KAT2B: variants seen among roughly 807,000 people sequenced by gnomAD.
KAT2B encodes lysine acetyltransferase 2B, also known as histone acetyltransferase KAT2B.
Under a neutral mutation model 105.9 loss-of-function variants are expected in KAT2B, and 36 were observed. The observed-to-expected ratio is 0.34, with a 90% CI of 0.26 to 0.45. The LOEUF (loss-of-function observed/expected upper bound fraction) is 0.45. KAT2B is among the 20% of genes least tolerant of loss of function. The pLI, the probability that KAT2B is intolerant of heterozygous loss-of-function variation, is 1.00. For synonymous variants in KAT2B, 397 were observed against 377.9 expected (o/e 1.05, Z -0.59); for missense variants, 820 against 1,021.6 (o/e 0.80, Z 2.69).
chr3:20,053,578 G>A (rs192635397), intron 1 of KAT2B, among the ~76,000 whole-genome samples: 31 of 152,158 alleles, frequency 2.0e-4, no homozygotes, highest in Admixed American at 1.6e-3. Context: ...GTATATGAGT[G>A]TTATGAGATC....
At chr3:20,149,539 T>G (rs1027963414) in intron 17 of KAT2B, among the ~76,000 whole-genome samples, 2 of 108,652 alleles carry the variant, frequency 1.8e-5, no homozygotes, top group African/African-American at 7.8e-5. Context: ...GTGTTAAAAA[T>G]GTGAAAAGGA....
chr3:20,061,067 TCAC>T, intron 1 of KAT2B, among the ~76,000 whole-genome samples: 1 of 152,320 alleles, frequency 6.6e-6, no homozygotes, highest in African/African-American at 2.4e-5. Context: ...TGTGCAATCA[TCAC>T]CACCATTCAT....
At chr3:20,050,902 T>A (rs1197924720) in intron 1 of KAT2B, among the ~76,000 whole-genome samples, 1 of 151,994 alleles carries the variant, frequency 6.6e-6, no homozygotes, top group Non-Finnish European at 1.5e-5. Context: ...GGAATGTGGA[T>A]AAGAAATCAA....
In KAT2B at chr3:20,072,376, C is replaced by A. The variant is rs758794416; in HGVS notation, c.347C>A (p.Pro116His). ...TGTAATGGCTGGAAAAACCCTAACCCCTCACCCACTCCCCCCAGAGCCGAC... is the reference window on the plus strand; with the variant it reads ...TGTAATGGCTGGAAAAACCCTAACCACTCACCCACTCCCCCCAGAGCCGAC... ...CKCNGWKNPN[P>H]SPTPPRADLQ... is the part of the protein sequence containing the mutation. Residue 116 changes from proline to histidine, a missense_variant, in exon 2 of 18, where the codon CCC (proline) becomes CAC (histidine). By Grantham distance (77) the Pro-to-His change is moderately conservative. Around this residue, in one of 6 missense-constraint regions of KAT2B, gnomAD observed 190 missense variants for 176.7 expected, o/e 1.08. Coordinates refer to ENST00000263754, the MANE Select transcript of KAT2B (RefSeq NM_003884.5). 3 of 1,613,130 alleles carry A rather than the reference C, an allele frequency of 1.9e-6. No individual in the cohort carries two copies. Among genetic ancestry groups the A allele is most frequent in the Non-Finnish European group, 2.5e-6 (3 of 1,179,150 alleles).
At chr3:20,119,873 C>A (rs1014374888) in intron 8 of KAT2B, 150 bp downstream of exon 8, 1 of 768,458 alleles carries the variant, frequency 1.3e-6, no homozygotes, top group Non-Finnish European at 2.1e-6. Context: ...AGGCTTTTGG[C>A]TGTACTGGTT....
At chr3:20,106,961 GTATATATATATATATATGTATATATA>G (rs1253246824) in intron 5 of KAT2B, among the ~76,000 whole-genome samples, 4,977 of 69,294 alleles carry the variant, frequency 0.072, 345 homozygotes, top group Non-Finnish European at 0.097. Context: ...AATTTTATGT[GTATATATATATATATATGTATATATA>G]TATATATATA....
intron 3 of KAT2B, 130 bp downstream of exon 3, chr3:20,095,538 C>T (rs762995811): frequency 2.2e-5 from 13 of 593,592 alleles, no homozygotes; most frequent in Admixed American, 6.3e-5. Context: ...CTGAACAATA[C>T]GTTTCTTCAT....
At chr3:20,120,250 C>G (rs911087042) in intron 8 of KAT2B, among the ~76,000 whole-genome samples, 2 of 151,700 alleles carry the variant, frequency 1.3e-5, no homozygotes, top group African/African-American at 4.8e-5. Flanking sequence ...TTATTTGAGA[C>G]AGAGTCTCAC....
At chr3:20,062,261 TATATAATATATAATATATAAA>T (rs1559514486) in intron 1 of KAT2B, among the ~76,000 whole-genome samples, 3 of 59,300 alleles carry the variant, frequency 5.1e-5, no homozygotes, top group Non-Finnish European at 7.1e-5. Flanking sequence ...TAAAATATGA[TATATAATATATAATATATAAA>T]ATATAATATA....
intron 1 of KAT2B, among the ~76,000 whole-genome samples, chr3:20,059,456 G>T (rs992623033): frequency 1.0e-4 from 15 of 143,244 alleles, no homozygotes; most frequent in African/African-American, 3.6e-4. Context: ...GGTGCCTCAC[G>T]CTTGTAATCC....
intron 17 of KAT2B, among the ~76,000 whole-genome samples, chr3:20,149,563 C>T (rs1280023504): frequency 2.1e-5 from 3 of 142,296 alleles, no homozygotes; most frequent in Non-Finnish European, 3.0e-5. Context: ...GTGAAAGGGA[C>T]GCATTAGCTC....
chr3:20,090,655 T>G (rs1698700467), intron 2 of KAT2B, among the ~76,000 whole-genome samples: 1 of 152,228 alleles, frequency 6.6e-6, no homozygotes, highest in Non-Finnish European at 1.5e-5. Flanking sequence ...TAATATTCTT[T>G]TCTTGTAGTT....
rs1391152457 is a variant in KAT2B at position 20,125,768 on chromosome 3, C to T, written c.1414-137C>T. 4.5e-6 allele frequency: 3 copies of T among 672,008 alleles called. No homozygotes were observed. The African/African-American group carries it at 5.4e-5, about 12-fold the overall frequency. The allele number at this position is 672,008 out of a possible 1,614,324, so 41.6% of individuals were successfully genotyped here. A position where few individuals can be genotyped will look rare whatever the true frequency, so the allele number is the denominator to read the frequency against. On this transcript the variant is annotated intron_variant, in intron 9 of 17. Transcript: ENST00000263754. ...ATGTGTCTCTGTGTGTATGTGTGCA[C>T]ACATGTGTATTTAGGACTCTGAAAA...
chr3:20,150,330 T>C (rs1048671909), intron 17 of KAT2B, among the ~76,000 whole-genome samples: 1 of 152,256 alleles, frequency 6.6e-6, no homozygotes, highest in African/African-American at 2.4e-5. Context: ...TTTTACATTT[T>C]CCCACGATTT....
At chr3:20,142,188 G>T (rs1382942217) in intron 13 of KAT2B, among the ~76,000 whole-genome samples, 2 of 152,120 alleles carry the variant, frequency 1.3e-5, no homozygotes, top group Non-Finnish European at 2.9e-5. Flanking sequence ...GAAGCGCAGA[G>T]CTATTTTAGA....
chr3:20,101,580 A>G (rs1041545463), intron 5 of KAT2B, 112 bp downstream of exon 5: 4 of 757,624 alleles, frequency 5.3e-6, no homozygotes, highest in Non-Finnish European at 6.6e-6. Flanking sequence ...GACTCCATCA[A>G]TTCAGAGATA....
chr3:20,094,612 T>C (rs1018214977), intron 2 of KAT2B, among the ~76,000 whole-genome samples: 2 of 152,168 alleles, frequency 1.3e-5, no homozygotes, highest in African/African-American at 4.8e-5. Context: ...CACAAAACTA[T>C]AGTAAGACAA....
intron 6 of KAT2B, among the ~76,000 whole-genome samples, chr3:20,113,716 G>A (rs1005194668): frequency 6.6e-6 from 1 of 152,160 alleles, no homozygotes; most frequent in Non-Finnish European, 1.5e-5. Context: ...AGTGAGAGCT[G>A]GGACCGGCTT....
intron 13 of KAT2B, among the ~76,000 whole-genome samples, chr3:20,142,031 G>T (rs1405507694): frequency 6.6e-6 from 1 of 152,236 alleles, no homozygotes; most frequent in East Asian, 1.9e-4. Flanking sequence ...CCATCACCCC[G>T]CTGTCAGCTG....
Sources: allele counts gnomAD v4.1 joint callset (sites outside exome capture counted in the v4.1 genomes callset), GRCh38; gene constraint gnomAD v4.1.1; regional missense constraint gnomAD v4.1.1; transcripts MANE v1.5; gene names NCBI Gene and HGNC (gene_info 2026-07-23, HGNC 2026-07-21).